Variants in TNNI3K observed in about 807,000 individuals in gnomAD.
The protein encoded by TNNI3K is serine/threonine-protein kinase TNNI3K.
TNNI3K carries 140 observed loss-of-function variants against 114.5 expected under a neutral mutation model. The observed-to-expected ratio is 1.22, with a 90% CI of 1.07 to 1.41. The LOEUF (loss-of-function observed/expected upper bound fraction) is 1.41. Among genes scored for constraint, TNNI3K ranks in the 40% most tolerant of loss-of-function variants. TNNI3K has a pLI of 0.00. For synonymous variants in TNNI3K, 347 were observed against 347.5 expected (o/e 1.00, Z 0.02); for missense variants, 1,125 against 1,007.6 (o/e 1.12, Z -1.58).
chr1:74,290,348 T>C (rs1423943854), intron 5 of TNNI3K, among the ~76,000 whole-genome samples: 1 of 151,578 alleles, frequency 6.6e-6, no homozygotes, highest in Non-Finnish European at 1.5e-5. Flanking sequence ...CCAGCACCAA[T>C]ATATAAATAA....
At chr1:74,281,715 G>GTA (rs1183864960) in intron 5 of TNNI3K, among the ~76,000 whole-genome samples, 1 of 151,928 alleles carries the variant, frequency 6.6e-6, no homozygotes, top group East Asian at 1.9e-4. Flanking sequence ...TATAGTGTGT[G>GTA]TATCCTATAA....
At chr1:74,304,089 A>G (rs1658484079) in intron 5 of TNNI3K, among the ~76,000 whole-genome samples, 1 of 152,244 alleles carries the variant, frequency 6.6e-6, no homozygotes, top group African/African-American at 2.4e-5. Context: ...GATACTGTGA[A>G]CAATGCTGAA....
At chr1:74,351,463 G>A (rs935039523) in intron 9 of TNNI3K, among the ~76,000 whole-genome samples, 4 of 151,110 alleles carry the variant, frequency 2.6e-5, no homozygotes, top group African/African-American at 7.3e-5. Context: ...GCTCTTCTCG[G>A]GGAGTATCTT....
At chr1:74,501,795 G>A (rs968961440) in intron 23 of TNNI3K, among the ~76,000 whole-genome samples, 4 of 152,136 alleles carry the variant, frequency 2.6e-5, no homozygotes, top group African/African-American at 9.6e-5. Context: ...CCAACTTGGA[G>A]TTTTTCATAG....
chr1:74,281,681 T>C (rs1191484315), intron 5 of TNNI3K, among the ~76,000 whole-genome samples: 4 of 152,190 alleles, frequency 2.6e-5, no homozygotes, highest in Non-Finnish European at 5.9e-5. Context: ...TTCATTGCAA[T>C]GTGAATGACA....
At chr1:74,253,909 C>G (rs1388879942) in intron 4 of TNNI3K, among the ~76,000 whole-genome samples, 1 of 152,230 alleles carries the variant, frequency 6.6e-6, no homozygotes, top group Non-Finnish European at 1.5e-5. Context: ...GCTGTCACCT[C>G]TTAGTTGTTC....
intron 17 of TNNI3K, among the ~76,000 whole-genome samples, chr1:74,435,587 C>T (rs1234929414): frequency 1.3e-5 from 2 of 152,028 alleles, no homozygotes; most frequent in African/African-American, 4.8e-5. Flanking sequence ...CTCCTTTGTG[C>T]TGAGATTGTA....
In TNNI3K at chr1:74,271,641, A is replaced by G; in HGVS notation, c.377A>G (p.Asp126Gly). Residue 126 changes from aspartate to glycine, a missense_variant, in exon 5 of 25, where the codon GAT (aspartate) becomes GGT (glycine). By Grantham distance (94) the Asp-to-Gly change is moderately conservative (BLOSUM62 -1). Transcript: ENST00000326637. Reference sequence around the variant, plus strand: ...ACTTCTCTGCTTCACAGTGGAGCTGATATACAGCAGGTTGGATACGGTGGC... The same window carrying G: ...ACTTCTCTGCTTCACAGTGGAGCTGGTATACAGCAGGTTGGATACGGTGGC... ...LITSLLHSGA[D>G]IQQVGYGGLT... 6.2e-7 allele frequency: 1 copy of G among 1,609,486 alleles called. No homozygotes were observed. The highest frequency in any genetic ancestry group is 8.5e-7 in the Non-Finnish European group (1 of 1,177,286).
intron 11 of TNNI3K, among the ~76,000 whole-genome samples, chr1:74,362,919 G>C (rs1458278759): frequency 6.6e-6 from 1 of 152,084 alleles, no homozygotes; most frequent in Non-Finnish European, 1.5e-5. Flanking sequence ...AAACCCTCAG[G>C]TGCTCCAGTG....
intron 9 of TNNI3K, among the ~76,000 whole-genome samples, chr1:74,346,611 A>G (rs1041141196): frequency 6.8e-6 from 1 of 146,880 alleles, no homozygotes; most frequent in Non-Finnish European, 1.5e-5. Flanking sequence ...ATTTTTCATC[A>G]CCTCCTCCCT....
chr1:74,267,023 T>C (rs541076992), intron 4 of TNNI3K, among the ~76,000 whole-genome samples: 5 of 152,036 alleles, frequency 3.3e-5, no homozygotes, highest in East Asian at 1.9e-4. Context: ...CTCACACTTA[T>C]AGGGTGCCTC....
intron 6 of TNNI3K, among the ~76,000 whole-genome samples, chr1:74,334,811 C>G (rs1660383959): frequency 6.6e-6 from 1 of 152,166 alleles, no homozygotes; most frequent in Non-Finnish European, 1.5e-5. Context: ...ACCACTGGCT[C>G]TGGCCAGAAG....
At chr1:74,249,092 G>T (rs1025862103) in intron 2 of TNNI3K, among the ~76,000 whole-genome samples, 1 of 151,732 alleles carries the variant, frequency 6.6e-6, no homozygotes, top group African/African-American at 2.4e-5. Context: ...TATGTATTAT[G>T]TAAGTATTCC....
At chr1:74,332,048 A>G (rs1660230778) in intron 6 of TNNI3K, among the ~76,000 whole-genome samples, 3 of 152,274 alleles carry the variant, frequency 2.0e-5, no homozygotes, top group African/African-American at 7.2e-5. Context: ...GTGCTTTATA[A>G]TTTACTTTAA....
At chr1:74,363,550 A>T (rs1662089625) in intron 11 of TNNI3K, among the ~76,000 whole-genome samples, 1 of 152,002 alleles carries the variant, frequency 6.6e-6, no homozygotes, top group Non-Finnish European at 1.5e-5. Flanking sequence ...AGGTAACATC[A>T]AGGGTGTGAT....
At chr1:74,293,267 C>G (rs953084695) in intron 5 of TNNI3K, among the ~76,000 whole-genome samples, 3 of 151,632 alleles carry the variant, frequency 2.0e-5, no homozygotes, top group Admixed American at 1.3e-4. Flanking sequence ...TATTAAGTGC[C>G]TGTATATGTG....
At chr1:74,343,861 C>T (rs1311574233) in intron 9 of TNNI3K, among the ~76,000 whole-genome samples, 1 of 152,092 alleles carries the variant, frequency 6.6e-6, no homozygotes, top group Non-Finnish European at 1.5e-5. Context: ...CCCTAAAATG[C>T]CCAAAAGGAA....
At chr1:74,471,999 T>C in intron 21 of TNNI3K, 1 of 663,816 alleles carries the variant, frequency 1.5e-6, no homozygotes, top group South Asian at 1.7e-5. Context: ...GTACGATCTT[T>C]TGTACATAGT....
rs371551681 is a variant in TNNI3K at position 74,475,894 on chromosome 1, A to C, written c.2121+12344A>C. The stretch of plus-strand genomic sequence containing the variant: ...TCAAATGTAAAAACCACAAATATAA[A>C]GGTTAATGGCTTGAAAGATATCAGA... On this transcript the variant is annotated intron_variant, in intron 21 of 24. Coordinates refer to ENST00000326637, the MANE Select transcript of TNNI3K (RefSeq NM_015978.3). 85 of 519,054 alleles carry C rather than the reference A, an allele frequency of 1.6e-4. 2 individuals are homozygous for C. Among genetic ancestry groups the C allele is most frequent in the African/African-American group, 1.3e-3 (65 of 51,632 alleles). The allele number at this position is 519,054 out of a possible 1,614,324, so 32.2% of individuals were successfully genotyped here.
Sources: allele counts gnomAD v4.1 joint callset (sites outside exome capture counted in the v4.1 genomes callset), GRCh38; gene constraint gnomAD v4.1.1; transcripts MANE v1.5; gene names NCBI Gene and HGNC (gene_info 2026-07-23, HGNC 2026-07-21).